NCALD: variants seen among roughly 807,000 people sequenced by gnomAD.
NCALD encodes the protein neurocalcin-delta.
In NCALD, 10 loss-of-function variants were observed where a neutral mutation model predicts 18.6. The observed-to-expected ratio is 0.54, with a 90% CI of 0.33 to 0.91. The LOEUF is 0.91. Ranked by LOEUF, NCALD falls within the 40% of genes least tolerant of loss-of-function variation. The pLI, the probability that NCALD is intolerant of heterozygous loss-of-function variation, is 0.03. For synonymous variants in NCALD, 88 were observed against 87.4 expected (o/e 1.01, Z -0.04); for missense variants, 184 against 247.6 (o/e 0.74, Z 1.72).
intron 4 of NCALD, among the ~76,000 whole-genome samples, chr8:101,884,697 AGTTT>A (rs1816611519): frequency 3.8e-5 from 5 of 131,040 alleles, no homozygotes. Flanking sequence ...ATACAAAAGC[AGTTT>A]GTTTTTGTTT....
intron 3 of NCALD, among the ~76,000 whole-genome samples, chr8:101,913,264 C>T (rs1337573391): frequency 6.6e-6 from 1 of 152,192 alleles, no homozygotes; most frequent in Non-Finnish European, 1.5e-5. Context: ...TCATAATCCA[C>T]TTTGAACTCA....
At chr8:101,694,429 A>C (rs542346649) in intron 2 of NCALD, 1 of 152,322 alleles carries the variant, frequency 6.6e-6, no homozygotes, top group East Asian at 1.9e-4. Context: ...AATCTCAGTC[A>C]AAATAAGAAT....
At chr8:101,991,533 T>C (rs571275180) in intron 2 of NCALD, among the ~76,000 whole-genome samples, 113 of 152,266 alleles carry the variant, frequency 7.4e-4, no homozygotes, top group Middle Eastern at 3.4e-3. Flanking sequence ...ACCTGAGACA[T>C]AAATAGTACC....
chr8:102,016,286 G>A (rs570010634), intron 2 of NCALD, among the ~76,000 whole-genome samples: 1 of 152,164 alleles, frequency 6.6e-6, no homozygotes, highest in Non-Finnish European at 1.5e-5. Flanking sequence ...TGGCTGCCTT[G>A]AAGAGAAGCA....
intron 1 of NCALD, among the ~76,000 whole-genome samples, chr8:101,738,075 G>A (rs1014599124): frequency 6.6e-6 from 1 of 152,166 alleles, no homozygotes; most frequent in African/African-American, 2.4e-5. Context: ...TTTTCAGAGA[G>A]TCTTCTTTCT....
At chr8:101,858,266 G>C (rs1028600092) in intron 4 of NCALD, among the ~76,000 whole-genome samples, 5 of 152,164 alleles carry the variant, frequency 3.3e-5, no homozygotes, top group Admixed American at 3.3e-4. Flanking sequence ...GATCTATAGA[G>C]TGGAGCAAAA....
At chr8:102,077,016 C>T (rs1355336787) in intron 1 of NCALD, among the ~76,000 whole-genome samples, 1 of 152,190 alleles carries the variant, frequency 6.6e-6, no homozygotes, top group Non-Finnish European at 1.5e-5. Context: ...CCCATTCACG[C>T]CCCTTCCCTT....
chr8:102,113,578 G>A (rs78129633), intron 1 of NCALD, among the ~76,000 whole-genome samples: 2,633 of 152,268 alleles, frequency 0.017, 100 homozygotes, highest in African/African-American at 0.06. Flanking sequence ...TTTTAAAAAT[G>A]TATTTTGAAA....
intron 1 of NCALD, among the ~76,000 whole-genome samples, chr8:102,022,822 G>A (rs749639564): frequency 1.8e-4 from 27 of 152,102 alleles, no homozygotes; most frequent in South Asian, 4.2e-4. Flanking sequence ...TGTGGTTCCC[G>A]AGAAAGAGGC....
intron 2 of NCALD, among the ~76,000 whole-genome samples, chr8:101,963,852 T>C (rs1819924540): frequency 6.6e-6 from 1 of 152,082 alleles, no homozygotes; most frequent in Non-Finnish European, 1.5e-5. Flanking sequence ...ATCATGATAA[T>C]AGTGTGGTAC....
chr8:102,037,559 C>T (rs948694913), intron 1 of NCALD, among the ~76,000 whole-genome samples: 1 of 152,174 alleles, frequency 6.6e-6, no homozygotes, highest in Non-Finnish European at 1.5e-5. Context: ...CAGGAGCTAT[C>T]TCCTAGAGAT....
chr8:102,120,993 A>G (rs948804517), intron 1 of NCALD, among the ~76,000 whole-genome samples: 3 of 152,196 alleles, frequency 2.0e-5, no homozygotes, highest in Non-Finnish European at 2.9e-5. Flanking sequence ...TCCCTAGCAG[A>G]CAGACATCAC....
chr8:102,108,723 G>A lies in NCALD; in HGVS notation c.-210+15514C>T, dbSNP rs959150328. 4.6e-4 allele frequency among the ~76,000 whole-genome samples: 70 copies of A among 152,120 alleles called. 3 individuals carry two copies. The highest frequency in any genetic ancestry group is 4.6e-3 in the Admixed American group (70 of 15,268). ...TGACATAGTGCCTTGGACAGAGCAG[G>A]TTCACAATAAATGTTTGTTAAATAG... On this transcript the variant is annotated intron_variant, in intron 1 of 6. Coordinates refer to the NCALD transcript ENST00000311028.
At chr8:102,002,274 C>T (rs1186351529) in intron 2 of NCALD, among the ~76,000 whole-genome samples, 6 of 152,092 alleles carry the variant, frequency 3.9e-5, no homozygotes, top group Non-Finnish European at 8.8e-5. Flanking sequence ...TCAAAAGAGA[C>T]AAAGAAGGCC....
chr8:102,081,569 A>C (rs56391245), intron 1 of NCALD, among the ~76,000 whole-genome samples: 4 of 99,654 alleles, frequency 4.0e-5, no homozygotes, highest in East Asian at 4.5e-4. Context: ...AAAAAAAAAA[A>C]AAAAAAACCC....
At chr8:101,971,996 G>A (rs1357643033) in intron 2 of NCALD, among the ~76,000 whole-genome samples, 1 of 152,160 alleles carries the variant, frequency 6.6e-6, no homozygotes, top group African/African-American at 2.4e-5. Context: ...TTCATCTTGG[G>A]TTGGAAGAGA....
At chr8:102,123,022 C>G (rs1825987868) in intron 1 of NCALD, among the ~76,000 whole-genome samples, 1 of 152,230 alleles carries the variant, frequency 6.6e-6, no homozygotes, top group Non-Finnish European at 1.5e-5. Context: ...CACCACACCC[C>G]CTCTCCTTTG....
Position 102,050,650 on chromosome 8 carries a change from TTA to T in NCALD, c.-209-30363_-209-30362del, listed in dbSNP as rs1823411038. Among the ~76,000 whole-genome samples the T allele has an allele frequency of 3.4e-5, 5 of 148,014 alleles. No individual in the cohort carries two copies. In the South Asian group the frequency reaches 8.4e-4, roughly 25 times the overall value. ...TAGTATATACTTTATATAGCATACA[TTA>T]TATGTTTGTATATATAGTATATTCT... is the stretch of plus-strand genomic sequence containing the variant. On this transcript the variant is annotated intron_variant, in intron 1 of 6. Coordinates refer to the NCALD transcript ENST00000311028.
intron 4 of NCALD, among the ~76,000 whole-genome samples, chr8:101,827,360 T>C (rs1302647820): frequency 6.6e-6 from 1 of 152,260 alleles, no homozygotes; most frequent in Non-Finnish European, 1.5e-5. Flanking sequence ...AGACCCTTTT[T>C]CCACATATGG....
Sources: allele counts gnomAD v4.1 joint callset (sites outside exome capture counted in the v4.1 genomes callset), GRCh38; gene constraint gnomAD v4.1.1; transcripts MANE v1.5; gene names NCBI Gene and HGNC (gene_info 2026-07-23, HGNC 2026-07-21).